Variants in KHDRBS2 observed in about 807,000 individuals in gnomAD.
The protein encoded by KHDRBS2 is KH RNA binding domain containing, signal transduction associated 2.
KHDRBS2 carries 26 observed loss-of-function variants against 44.3 expected under a neutral mutation model. That is an observed-to-expected ratio of 0.59 (90% CI 0.43 to 0.81). The LOEUF is 0.81. Among genes scored for constraint, KHDRBS2 ranks in the 40% least tolerant of loss-of-function variants. The pLI is 0.00. For missense variants in KHDRBS2, 476 were observed against 433.1 expected, an observed-to-expected ratio of 1.10 and a Z score of -0.88; for synonymous variants, 194 against 151.1, an observed-to-expected ratio of 1.28 and a Z score of -2.08.
intron 6 of KHDRBS2, among the ~76,000 whole-genome samples, chr6:61,745,031 T>G (rs1313860454): frequency 1.3e-5 from 2 of 152,182 alleles, no homozygotes; most frequent in Non-Finnish European, 1.5e-5. Context: ...CACTATTTAA[T>G]GTGATTTAGG....
At chr6:61,862,723 A>G (rs1023470636) in intron 6 of KHDRBS2, among the ~76,000 whole-genome samples, 3 of 152,086 alleles carry the variant, frequency 2.0e-5, no homozygotes, top group African/African-American at 4.8e-5. Context: ...TCAGTTTGCC[A>G]GCATTTTATT....
intron 6 of KHDRBS2, among the ~76,000 whole-genome samples, chr6:61,817,684 C>T (rs551210074): frequency 5.3e-5 from 8 of 152,202 alleles, no homozygotes; most frequent in African/African-American, 1.9e-4. Flanking sequence ...TTAGTGCCAA[C>T]TTAAAGCTGT....
chr6:62,061,776 C>A (rs1791978924), intron 2 of KHDRBS2, among the ~76,000 whole-genome samples: 1 of 148,476 alleles, frequency 6.7e-6, no homozygotes, highest in Non-Finnish European at 1.5e-5. Flanking sequence ...TGTTTTCCAA[C>A]TTGGTTCCAT....
At chr6:62,000,797 C>T (rs1291908686) in intron 3 of KHDRBS2, among the ~76,000 whole-genome samples, 2 of 152,060 alleles carry the variant, frequency 1.3e-5, no homozygotes, top group African/African-American at 4.8e-5. Flanking sequence ...GTCAGCATCA[C>T]ATGTTCAAAA....
the KHDRBS2 span, among the ~76,000 whole-genome samples, chr6:61,631,013 C>T: frequency 0.024 from 3,722 of 152,018 alleles, 71 homozygotes; most frequent in Middle Eastern, 0.088. Context: ...TTGAAGAATA[C>T]CTGATCTTTT....
the KHDRBS2 span, among the ~76,000 whole-genome samples, chr6:61,589,179 C>A: frequency 1.3e-5 from 2 of 152,120 alleles, no homozygotes; most frequent in East Asian, 3.9e-4. Context: ...CACCATGGCA[C>A]ATGTATAACT....
intron 4 of KHDRBS2, among the ~76,000 whole-genome samples, chr6:61,935,165 T>C (rs1012771186): frequency 2.6e-5 from 4 of 152,208 alleles, no homozygotes; most frequent in Non-Finnish European, 4.4e-5. Context: ...TTGGAATTTC[T>C]ATACCGACAT....
chr6:62,049,779 G>A (rs904442513), intron 2 of KHDRBS2, among the ~76,000 whole-genome samples: 5 of 152,004 alleles, frequency 3.3e-5, no homozygotes, highest in African/African-American at 1.2e-4. Context: ...TTATTAAAAA[G>A]TCAGGAAACA....
rs549860823 is a variant in KHDRBS2, at chr6:62,079,438, A to G, written c.220-31444T>C. Reference sequence around the variant, plus strand: ...TTTCAGCATTTAACAATAATTAAAAAAATTAAAATATATTTTACATTTGTC... The same window carrying G: ...TTTCAGCATTTAACAATAATTAAAAGAATTAAAATATATTTTACATTTGTC... On this transcript the variant is annotated intron_variant, in intron 2 of 8. Coordinates refer to ENST00000281156, the MANE Select transcript of KHDRBS2 (RefSeq NM_152688.4). Among the ~76,000 whole-genome samples the G allele has an allele frequency of 3.9e-5, 6 of 152,166 alleles. No homozygotes were observed. In the East Asian group the frequency reaches 1.2e-3, roughly 29 times the overall value.
At chr6:62,281,380 G>C (rs1052101307) in intron 1 of KHDRBS2, among the ~76,000 whole-genome samples, 4 of 152,072 alleles carry the variant, frequency 2.6e-5, no homozygotes, top group African/African-American at 9.7e-5. Flanking sequence ...CTAGCACTTT[G>C]GGAGGATGAG....
intron 5 of KHDRBS2, among the ~76,000 whole-genome samples, chr6:61,896,877 T>G (rs181342460): frequency 6.6e-6 from 1 of 152,318 alleles, no homozygotes; most frequent in East Asian, 1.9e-4. Context: ...TCTACTATTT[T>G]TAAGATTGTG....
At chr6:61,879,699 T>G (rs778592059) in intron 6 of KHDRBS2, among the ~76,000 whole-genome samples, 80 of 151,926 alleles carry the variant, frequency 5.3e-4, no homozygotes, top group Admixed American at 1.1e-3. Flanking sequence ...ATCTTAAAGT[T>G]GCTGCTAACT....
chr6:62,257,177 C>T (rs1182034157), intron 1 of KHDRBS2, among the ~76,000 whole-genome samples: 1 of 151,886 alleles, frequency 6.6e-6, no homozygotes, highest in African/African-American at 2.4e-5. Context: ...GATCTTCTGT[C>T]CCAATCTTAA....
chr6:61,808,738 G>A (rs1426727554), intron 6 of KHDRBS2, among the ~76,000 whole-genome samples: 1 of 151,850 alleles, frequency 6.6e-6, no homozygotes. Flanking sequence ...AACATTTTAG[G>A]ATTTGAAATG....
At chr6:61,847,030 CATTT>C (rs1562290541) in intron 6 of KHDRBS2, among the ~76,000 whole-genome samples, 1 of 151,948 alleles carries the variant, frequency 6.6e-6, no homozygotes, top group African/African-American at 2.4e-5. Context: ...TGATTTCAAA[CATTT>C]ATTAAGAAAA....
At chr6:61,821,301 A>G (rs1789876188) in intron 6 of KHDRBS2, among the ~76,000 whole-genome samples, 1 of 151,996 alleles carries the variant, frequency 6.6e-6, no homozygotes, top group Admixed American at 6.6e-5. Flanking sequence ...TACATCAGGA[A>G]GTGTAGATTA....
intron 6 of KHDRBS2, among the ~76,000 whole-genome samples, chr6:61,877,287 T>C (rs1562353734): frequency 1.3e-5 from 2 of 151,944 alleles, no homozygotes; most frequent in Non-Finnish European, 2.9e-5. Flanking sequence ...CCAGAGGACA[T>C]AGAAATGCCT....
At chr6:61,574,413 C>T in the KHDRBS2 span, 12 of 1,517,900 alleles carry the variant, frequency 7.9e-6, no homozygotes, top group African/African-American at 4.1e-5. Flanking sequence ...TACAACAAGA[C>T]GAGAAGACCA....
chr6:61,737,068 T>C (rs1775478001), intron 6 of KHDRBS2, among the ~76,000 whole-genome samples: 1 of 152,126 alleles, frequency 6.6e-6, no homozygotes, highest in Non-Finnish European at 1.5e-5. Flanking sequence ...ATCCACTGTC[T>C]AGATATGGAT....
Sources: allele counts gnomAD v4.1 joint callset (sites outside exome capture counted in the v4.1 genomes callset), GRCh38; gene constraint gnomAD v4.1.1; transcripts MANE v1.5; gene names NCBI Gene and HGNC (gene_info 2026-07-23, HGNC 2026-07-21).